The following VAMP7 variants were observed in gnomAD, a reference collection of about 807,000 sequenced individuals.
The protein encoded by VAMP7 is vesicle associated membrane protein 7.
A neutral mutation model predicts 29.6 loss-of-function variants in VAMP7; 14 were observed. The observed-to-expected ratio is 0.47, with a 90% CI of 0.31 to 0.74. The LOEUF is 0.74. Among genes scored for constraint, VAMP7 ranks in the 30% least tolerant of loss-of-function variants. The pLI is 0.05. For missense variants in VAMP7, 223 were observed against 262.4 expected (o/e 0.85, Z 1.04); for synonymous variants, 95 against 88.1 (o/e 1.08, Z -0.44).
In VAMP7 at chrX:155,934,063, G is replaced by A. The variant is rs769865817; in HGVS notation, c.502-5638G>A. 1.7e-3 allele frequency among the ~76,000 whole-genome samples: 254 copies of A among 152,312 alleles called. 2 individuals carry two copies. Among genetic ancestry groups the A allele is most frequent in the African/African-American group, 5.5e-3 (229 of 41,574 alleles). Reference sequence around the variant, plus strand: ...AATTTGATTTCACTGTGGTCTGAGAGACAGTTTGTTATAATTTCTGTTCTT... The same window carrying A: ...AATTTGATTTCACTGTGGTCTGAGAAACAGTTTGTTATAATTTCTGTTCTT... On this transcript the variant is annotated intron_variant, in intron 6 of 7. Coordinates refer to ENST00000286448, the MANE Select transcript of VAMP7 (RefSeq NM_005638.6).
chrX:155,926,962 C>T (rs928708335), intron 6 of VAMP7, among the ~76,000 whole-genome samples: 4 of 152,018 alleles, frequency 2.6e-5, no homozygotes, highest in Admixed American at 6.6e-5. Context: ...CCGTTAGCTC[C>T]GTCACCTTAT....
rs764803490 is a variant in VAMP7 at position 155,942,691 on chromosome X, T to G, written c.*740T>G. 6.5e-6 allele frequency: 1 copy of G among 153,912 alleles called. No homozygotes were observed. Among genetic ancestry groups the G allele is most frequent in the South Asian group, 2.0e-4 (1 of 4,922 alleles). 9.5% of individuals were successfully genotyped at this position (153,912 alleles called of 1,614,324 possible). A position where few individuals can be genotyped will look rare whatever the true frequency, so the allele number is the denominator to read the frequency against. On this transcript the variant is annotated 3_prime_UTR_variant, in exon 8 of 8. Coordinates refer to ENST00000286448, the MANE Select transcript of VAMP7 (RefSeq NM_005638.6). Reference sequence around the variant, plus strand: ...GTTTAAATATTGTTGAAAGTTGCAGTTTTTTAAATGTGTTCCTTTTTCTTC... The same window carrying G: ...GTTTAAATATTGTTGAAAGTTGCAGGTTTTTAAATGTGTTCCTTTTTCTTC...
intron 6 of VAMP7, among the ~76,000 whole-genome samples, chrX:155,933,629 A>G (rs191769298): frequency 3.2e-4 from 48 of 151,998 alleles, no homozygotes; most frequent in African/African-American, 1.1e-3. Flanking sequence ...CAGTCTATCA[A>G]TTTTGTTGAT....
chrX:155,892,190 G>A (rs1364353015), intron 2 of VAMP7, among the ~76,000 whole-genome samples: 3 of 152,008 alleles, frequency 2.0e-5, no homozygotes, highest in Admixed American at 1.3e-4. Context: ...GTGTTATTTC[G>A]AGCTTTGGTA....
At chrX:155,929,026 A>T (rs2124376875) in intron 6 of VAMP7, among the ~76,000 whole-genome samples, 1 of 152,294 alleles carries the variant, frequency 6.6e-6, no homozygotes, top group East Asian at 1.9e-4. Flanking sequence ...TTCAAGAATA[A>T]AAGTGTTATT....
intron 1 of VAMP7, among the ~76,000 whole-genome samples, chrX:155,882,554 A>G (rs185731106): frequency 7.9e-5 from 12 of 152,168 alleles, no homozygotes; most frequent in African/African-American, 2.4e-4. Context: ...TCATTCTTCT[A>G]TCTCCTCCAA....
intron 6 of VAMP7, among the ~76,000 whole-genome samples, chrX:155,934,976 A>G (rs1336649886): frequency 2.6e-5 from 4 of 152,096 alleles, no homozygotes; most frequent in Non-Finnish European, 4.4e-5. Flanking sequence ...GTTTGGCTGG[A>G]TATGAAATTC....
intron 1 of VAMP7, among the ~76,000 whole-genome samples, chrX:155,887,619 G>A (rs1369573914): frequency 1.3e-4 from 20 of 152,168 alleles, no homozygotes; most frequent in Admixed American, 3.9e-4. Context: ...GAGATAATGC[G>A]TAACGATGCT....
At chrX:155,883,737 G>A (rs1234096145) in intron 1 of VAMP7, among the ~76,000 whole-genome samples, 2 of 142,444 alleles carry the variant, frequency 1.4e-5, no homozygotes, top group African/African-American at 2.6e-5. Flanking sequence ...TTGAGACGGA[G>A]TCTCACTCCG....
chrX:155,931,434 T>C (rs1239893926), intron 6 of VAMP7, among the ~76,000 whole-genome samples: 1 of 152,160 alleles, frequency 6.6e-6, no homozygotes, highest in Non-Finnish European at 1.5e-5. Context: ...CTCATTGTGG[T>C]TTTGATTTGC....
intron 4 of VAMP7, 115 bp from the exon 5 acceptor site, chrX:155,900,382 C>A: frequency 1.3e-6 from 1 of 783,496 alleles, no homozygotes; most frequent in Non-Finnish European, 2.0e-6. Context: ...TCTTTTATAT[C>A]AATAGAGACA....
chrX:155,939,899 T>C (rs1451285791), intron 7 of VAMP7, 106 bp downstream of exon 7: 6 of 984,526 alleles, frequency 6.1e-6, no homozygotes, highest in African/African-American at 1.6e-5. Flanking sequence ...GCTACATATG[T>C]CTTTTAATAG....
At chrX:155,900,059 A>G (rs1265296136) in intron 4 of VAMP7, among the ~76,000 whole-genome samples, 1 of 151,962 alleles carries the variant, frequency 6.6e-6, no homozygotes, top group African/African-American at 2.4e-5. Flanking sequence ...ACAAGAACAG[A>G]TTCTGAGAAG....
At chrX:155,931,651 A>ATT (rs1362729787) in intron 6 of VAMP7, among the ~76,000 whole-genome samples, 4 of 152,074 alleles carry the variant, frequency 2.6e-5, no homozygotes, top group Non-Finnish European at 5.9e-5. Flanking sequence ...CTTTTCTCCC[A>ATT]CTCTGTAGGT....
intron 5 of VAMP7, among the ~76,000 whole-genome samples, chrX:155,913,864 T>G (rs1452808044): frequency 6.6e-6 from 1 of 152,206 alleles, no homozygotes; most frequent in East Asian, 1.9e-4. Context: ...GGGCTCTTTT[T>G]TGGTTCCAAA....
chrX:155,884,757 A>T (rs1410936082), intron 1 of VAMP7, among the ~76,000 whole-genome samples: 12 of 152,222 alleles, frequency 7.9e-5, no homozygotes, highest in Non-Finnish European at 1.6e-4. Flanking sequence ...TGTTATCAAA[A>T]TACAAATGCA....
chrX:155,885,582 A>G lies in VAMP7; in HGVS notation c.-9-3876A>G, dbSNP rs186710543. 3.4e-3 allele frequency among the ~76,000 whole-genome samples: 522 copies of G among 152,286 alleles called. 3 individuals carry two copies. The highest frequency in any genetic ancestry group is 0.012 in the African/African-American group (498 of 41,536). On this transcript the variant is annotated intron_variant, in intron 1 of 7. Transcript: ENST00000286448. Reference sequence around the variant, plus strand: ...TTAGAAATAGGATCTTTGCAGATGTAATTAAGATGTAATTGAAAATGGGGT... The same window carrying G: ...TTAGAAATAGGATCTTTGCAGATGTGATTAAGATGTAATTGAAAATGGGGT...
At chrX:155,914,698 C>G (rs1232557019) in intron 5 of VAMP7, among the ~76,000 whole-genome samples, 11 of 152,120 alleles carry the variant, frequency 7.2e-5, no homozygotes, top group Non-Finnish European at 4.4e-5. Flanking sequence ...AGTCTTGCAT[C>G]CCAGTGATGA....
chrX:155,910,637 T>C (rs139735571), intron 5 of VAMP7, among the ~76,000 whole-genome samples: 3,210 of 152,030 alleles, frequency 0.021, 126 homozygotes, highest in African/African-American at 0.073. Flanking sequence ...TTGTATCTTT[T>C]TAGTAACCAT....
Sources: allele counts gnomAD v4.1 joint callset (sites outside exome capture counted in the v4.1 genomes callset), GRCh38; gene constraint gnomAD v4.1.1; transcripts MANE v1.5; gene names NCBI Gene and HGNC (gene_info 2026-07-23, HGNC 2026-07-21).